Variants in HECTD4 observed in about 807,000 individuals in gnomAD.
HECTD4 encodes probable E3 ubiquitin-protein ligase HECTD4.
A neutral mutation model predicts 471.5 loss-of-function variants in HECTD4; 114 were observed. That is an observed-to-expected ratio of 0.24 (90% CI 0.21 to 0.28). The LOEUF (loss-of-function observed/expected upper bound fraction) is 0.28. HECTD4 is among the 10% of genes least tolerant of loss of function. The pLI is 1.00. For synonymous variants in HECTD4, 2,012 were observed against 2,256.0 expected (o/e 0.89, Z 3.07); for missense variants, 3,866 against 5,651.5 (o/e 0.68, Z 10.13).
At chr12:112,205,534 A>T (rs1053483690) in intron 52 of HECTD4, among the ~76,000 whole-genome samples, 6 of 152,202 alleles carry the variant, frequency 3.9e-5, no homozygotes, top group Non-Finnish European at 5.9e-5. Flanking sequence ...GTTAACTCAA[A>T]ATAACAAATT....
chr12:112,179,445 G>A lies in HECTD4; in HGVS notation c.10988-48C>T, dbSNP rs967958675. 21 of 1,483,158 alleles carry A rather than the reference G, an allele frequency of 1.4e-5. No homozygotes were observed. The African/African-American group carries it at 1.7e-4, about 12-fold the overall frequency. 91.9% of individuals were successfully genotyped at this position (1,483,158 alleles called of 1,614,324 possible). ...AACAATTCTGCCGTGAACATGCATC[G>A]GGACAAGCCCTGCGAGCATTCTGTT... On this transcript the variant is annotated intron_variant, in intron 62 of 75. Coordinates refer to ENST00000682272, the MANE Select transcript of HECTD4 (RefSeq NM_001388303.1). The surrounding 1 kb of genome is among the most constrained non-coding windows in gnomAD (Gnocchi z 4.3).
chr12:112,283,048 A>G (rs1204998635), intron 8 of HECTD4, 62 bp downstream of exon 8: 11 of 1,377,342 alleles, frequency 8.0e-6, no homozygotes, highest in East Asian at 4.6e-5. Context: ...GAAGTGCTCA[A>G]TAAGACGTAG....
rs540730954 is a variant in HECTD4, at chr12:112,256,425, G to A, written c.3222C>T (p.Pro1074=). The A allele has an allele frequency of 7.4e-6, 12 of 1,612,988 alleles. No individual in the cohort carries two copies. Among genetic ancestry groups the A allele is most frequent in the East Asian group, 4.5e-5 (2 of 44,834 alleles). The change falls in exon 21 of 76, where the codon CCC becomes CCT. Residue 1074 remains proline, a synonymous_variant. Transcript: ENST00000682272. ...AAGKTVETVH[P]VRDNYKFKET... The stretch of plus-strand genomic sequence containing the variant: ...CTTTAAATTTATAGTTGTCTCTGAC[G>A]GGGTGGACTGTTTCCACAGTCTTTC...
chr12:112,219,484 G>T lies in HECTD4; in HGVS notation c.6976C>A (p.Arg2326=), dbSNP rs1316178525. Residue 2326 remains arginine (R), a synonymous_variant, in exon 45 of 76, where the codon CGA becomes AGA. Transcript: ENST00000682272. ...LVAQECSAGE[R]LAVVEVQCER... Reference sequence around the variant, plus strand: ...CACTGTACCTCCACAACTGCAAGTCGCTCTCCTGTAGAGGGCACATGTTGA... The same window carrying T: ...CACTGTACCTCCACAACTGCAAGTCTCTCTCCTGTAGAGGGCACATGTTGA... 1 of 1,612,134 alleles carries T rather than the reference G, an allele frequency of 6.2e-7. No individual in the cohort carries two copies. Among genetic ancestry groups the T allele is most frequent in the Non-Finnish European group, 8.5e-7 (1 of 1,178,590 alleles).
Position 112,235,353 on chromosome 12 carries a change from T to C in HECTD4, c.5726-87A>G. ...AAATGAAAAATAATGGTTTGGGATT[T>C]GGAATCTTTCTTCCCCCTTCTCTAT... On this transcript the variant is annotated intron_variant, in intron 36 of 75. Coordinates refer to ENST00000682272, the MANE Select transcript of HECTD4 (RefSeq NM_001388303.1). The surrounding 1 kb of genome is among the most constrained non-coding windows in gnomAD (Gnocchi z 5.0). 3.3e-6 allele frequency: 5 copies of C among 1,505,806 alleles called. No individual in the cohort carries two copies. The highest frequency in any genetic ancestry group is 4.5e-6 in the Non-Finnish European group (5 of 1,115,428). 93.3% of individuals were successfully genotyped at this position (1,505,806 alleles called of 1,614,324 possible).
At chr12:112,362,404 ATTCTC>A (rs2036466205) in intron 1 of HECTD4, among the ~76,000 whole-genome samples, 1 of 152,202 alleles carries the variant, frequency 6.6e-6, no homozygotes, top group Non-Finnish European at 1.5e-5. Context: ...GGAAGTCAAT[ATTCTC>A]CAGAGTGAAC....
In HECTD4 at chr12:112,239,113, G is replaced by A. The variant is rs527942434; in HGVS notation, c.5229C>T (p.Thr1743=). Residue 1743 remains threonine, a synonymous_variant, in exon 34 of 76, where the codon ACC becomes ACT. Transcript: ENST00000682272. This position sits in a 1 kb window ranked among gnomAD's most constrained non-coding sequence, Gnocchi z 4.9. ...EKQTKKQKVA[T]MAWAAFQVLA... is the part of the protein sequence containing the mutation. ...GCACCTGGAAGGCAGCCCAGGCCATGGTGGCCACCTTCTGCTTCTTGGTCT... is the reference window on the plus strand; with the variant it reads ...GCACCTGGAAGGCAGCCCAGGCCATAGTGGCCACCTTCTGCTTCTTGGTCT... 14 of 1,613,908 alleles carry A rather than the reference G, an allele frequency of 8.7e-6. No homozygotes were observed. The South Asian group carries it at 1.5e-4, about 18-fold the overall frequency.
intron 55 of HECTD4, among the ~76,000 whole-genome samples, chr12:112,196,265 A>C (rs1378179880): frequency 3.3e-5 from 5 of 152,240 alleles, no homozygotes. Flanking sequence ...ATGGCAATTA[A>C]AGAAACAACC....
At position 112,252,631 on chromosome 12, in the gene HECTD4, A is replaced by G. The variant is rs955946973; in HGVS notation, c.3448-103T>C. 159 of 1,259,720 alleles carry G rather than the reference A, an allele frequency of 1.3e-4. 1 individual carries two copies. The highest frequency in any genetic ancestry group is 1.5e-4 in the Non-Finnish European group (134 of 907,146). 78.0% of individuals were successfully genotyped at this position (1,259,720 alleles called of 1,614,324 possible). A position where few individuals can be genotyped will look rare whatever the true frequency, so the allele number is the denominator to read the frequency against. On this transcript the variant is annotated intron_variant, in intron 22 of 75. Coordinates refer to ENST00000682272, the MANE Select transcript of HECTD4 (RefSeq NM_001388303.1). ...GTTTACTTTCAAAAAGGACCACAGCAATATTTCACTCCTTTTCTCATTTGC... is the reference window on the plus strand; with the variant it reads ...GTTTACTTTCAAAAAGGACCACAGCGATATTTCACTCCTTTTCTCATTTGC...
intron 7 of HECTD4, among the ~76,000 whole-genome samples, chr12:112,284,088 T>A (rs984237814): frequency 3.7e-4 from 56 of 152,146 alleles, no homozygotes; most frequent in African/African-American, 1.3e-3. Context: ...ATTTACTATT[T>A]CCTTTGTCTT....
At position 112,319,182 on chromosome 12, in the gene HECTD4, A is replaced by C; in HGVS notation, c.695+43T>G. The C allele has an allele frequency of 6.5e-7, 1 of 1,527,172 alleles. No individual in the cohort carries two copies. The allele number at this position is 1,527,172 out of a possible 1,614,324, so 94.6% of individuals were successfully genotyped here. A position where few individuals can be genotyped will look rare whatever the true frequency, so the allele number is the denominator to read the frequency against. ...TCTTCATTCACCCAACCCAGGTGGC[A>C]GTAGTCACAAGGTCACCAAATGATA... On this transcript the variant is annotated intron_variant, in intron 2 of 75. Transcript: ENST00000682272. This position sits in a 1 kb window ranked among gnomAD's most constrained non-coding sequence, Gnocchi z 5.3.
chr12:112,308,560 C>G (rs1483355306), intron 6 of HECTD4, among the ~76,000 whole-genome samples, 193 bp downstream of exon 6: 3 of 150,814 alleles, frequency 2.0e-5, no homozygotes, highest in Admixed American at 2.0e-4. Context: ...ACTTAGAGAA[C>G]ACATTCACTC....
At chr12:112,354,670 A>G (rs777864095) in intron 1 of HECTD4, among the ~76,000 whole-genome samples, 2 of 152,100 alleles carry the variant, frequency 1.3e-5, no homozygotes, top group Non-Finnish European at 2.9e-5. Context: ...TGGGCAACAG[A>G]GCAGACTGTC....
intron 8 of HECTD4, among the ~76,000 whole-genome samples, chr12:112,280,381 G>A (rs1240356158): frequency 6.6e-6 from 1 of 152,120 alleles, no homozygotes; most frequent in South Asian, 2.1e-4. Flanking sequence ...CAAGCCTAGC[G>A]AGGATTGATT....
chr12:112,200,610 C>T, intron 55 of HECTD4, 28 bp downstream of exon 55: 1 of 1,596,132 alleles, frequency 6.3e-7, no homozygotes, highest in East Asian at 2.2e-5. Flanking sequence ...ATTTCTGTGA[C>T]CCAGTAGAAA....
At chr12:112,294,909 C>G (rs538395614) in intron 7 of HECTD4, among the ~76,000 whole-genome samples, 1 of 152,224 alleles carries the variant, frequency 6.6e-6, no homozygotes, top group Non-Finnish European at 1.5e-5. Flanking sequence ...CAGTTGCCTT[C>G]CCCGGGGAAA....
At chr12:112,326,140 A>G (rs2035739231) in intron 1 of HECTD4, among the ~76,000 whole-genome samples, 1 of 152,146 alleles carries the variant, frequency 6.6e-6, no homozygotes, top group African/African-American at 2.4e-5. Context: ...AGTCTAATTG[A>G]ATGTGGGTAA....
At chr12:112,313,234 CAA>C in intron 3 of HECTD4, 87 bp from the exon 4 acceptor site, 1 of 1,079,072 alleles carries the variant, frequency 9.3e-7, no homozygotes, top group African/African-American at 1.6e-5. Flanking sequence ...GAGTAGAAAC[CAA>C]AATTTTAAAA....
chr12:112,220,031 G>A (rs1381875960), intron 44 of HECTD4, among the ~76,000 whole-genome samples: 1 of 152,102 alleles, frequency 6.6e-6, no homozygotes, highest in Non-Finnish European at 1.5e-5. Context: ...CCTGGCCCCA[G>A]TACTCAGTAT....
Sources: gnomAD v4.1 joint callset for allele counts (sites outside exome capture counted in the v4.1 genomes callset) on GRCh38, gnomAD v4.1.1 for gene constraint, Gnocchi (gnomAD v3.1) non-coding constraint, MANE v1.5 for transcripts, NCBI Gene and HGNC (gene_info 2026-07-23, HGNC 2026-07-21) for gene names.